The following SIL1 variants were observed in gnomAD, a reference collection of about 807,000 sequenced individuals.
The protein encoded by SIL1 is nucleotide exchange factor SIL1.
In SIL1, 40 loss-of-function variants were observed where a neutral mutation model predicts 49.1. The observed-to-expected ratio is 0.81, with a 90% CI of 0.63 to 1.06. SIL1 has a LOEUF of 1.06. SIL1 is among the 50% of genes least tolerant of loss of function. SIL1 has a pLI of 0.00. For missense variants in SIL1, 500 were observed against 572.6 expected (o/e 0.87, Z 1.29); for synonymous variants, 253 against 250.8 (o/e 1.01, Z -0.08).
At chr5:139,110,825 A>G (rs942501194) in intron 3 of SIL1, among the ~76,000 whole-genome samples, 2 of 152,238 alleles carry the variant, frequency 1.3e-5, no homozygotes, top group Non-Finnish European at 1.5e-5. Context: ...AGGAGCTTCC[A>G]AAAAGCTCTC....
rs543083009 is a variant in SIL1 at position 138,947,409 on chromosome 5, C to T, written c.1094G>A (p.Arg365His). Residue 365 changes from arginine (R) to histidine (H), a missense_variant, in exon 10 of 10, where the codon CGC becomes CAC. Physicochemically the swap from Arg to His is conservative, Grantham distance 29 (BLOSUM62 0). Transcript: ENST00000394817. This position sits in a 1 kb window ranked among gnomAD's most constrained non-coding sequence, Gnocchi z 4.1. ...EMSPEKLQQY[R>H]QVHLLPGLWE... ...CAGGCCTGGCAGGAGGTGTACCTGG[C>T]GATACTGCTGCAGCTTCTCTGGGGA... The T allele has an allele frequency of 3.0e-5, 48 of 1,613,582 alleles. No homozygotes were observed. Among genetic ancestry groups the T allele is most frequent in the East Asian group, 4.5e-5 (2 of 44,882 alleles).
intron 2 of SIL1, among the ~76,000 whole-genome samples, chr5:139,121,775 TGAGG>T (rs1172080331): frequency 2.0e-5 from 3 of 152,152 alleles, no homozygotes; most frequent in African/African-American, 7.2e-5. Context: ...CCAGCTGGGC[TGAGG>T]GAGGAAGATG....
At chr5:139,052,018 G>C (rs1370453004) in intron 3 of SIL1, among the ~76,000 whole-genome samples, 1 of 152,200 alleles carries the variant, frequency 6.6e-6, no homozygotes. Context: ...TCTCCTGCCA[G>C]AGGACAGCAT....
chr5:139,063,116 C>T (rs148906993), intron 3 of SIL1, among the ~76,000 whole-genome samples: 5 of 152,274 alleles, frequency 3.3e-5, no homozygotes, highest in Non-Finnish European at 2.9e-5. Flanking sequence ...TTATCATTGT[C>T]CTAATCAGAC....
chr5:139,083,361 T>A (rs1770136011), intron 3 of SIL1, among the ~76,000 whole-genome samples: 1 of 151,710 alleles, frequency 6.6e-6, no homozygotes, highest in South Asian at 2.1e-4. Context: ...GACTTTTTAA[T>A]GATTGCCATT....
At position 139,127,681 on chromosome 5, in the gene SIL1, G is replaced by A. The variant is rs1446446149; in HGVS notation, c.105+58C>T. On this transcript the variant is annotated intron_variant, in intron 2 of 9. Coordinates refer to ENST00000394817, the MANE Select transcript of SIL1 (RefSeq NM_022464.5). ...TACTCCCACAACAGCCCTGGTGACAGGGAGGCCTTCTCAAGACCTCATCAA... is the reference window on the plus strand; with the variant it reads ...TACTCCCACAACAGCCCTGGTGACAAGGAGGCCTTCTCAAGACCTCATCAA... The A allele has an allele frequency of 5.1e-6, 7 of 1,372,578 alleles. No homozygotes were observed. In the African/African-American group the frequency reaches 8.6e-5, roughly 17 times the overall value. The allele number at this position is 1,372,578 out of a possible 1,614,324, so 85.0% of individuals were successfully genotyped here. A position where few individuals can be genotyped will look rare whatever the true frequency, so the allele number is the denominator to read the frequency against.
At chr5:139,119,509 C>G (rs562535381) in intron 3 of SIL1, among the ~76,000 whole-genome samples, 124 of 152,282 alleles carry the variant, frequency 8.1e-4, no homozygotes, top group Non-Finnish European at 9.6e-4. Flanking sequence ...GTCTGTAATC[C>G]TAGGACTTTG....
intron 1 of SIL1, among the ~76,000 whole-genome samples, chr5:139,160,491 A>G (rs539111303): frequency 6.6e-6 from 1 of 152,320 alleles, no homozygotes; most frequent in African/African-American, 2.4e-5. Context: ...TCTGGTAACT[A>G]CTAGAACCTT....
intron 3 of SIL1, among the ~76,000 whole-genome samples, chr5:139,084,334 C>T (rs1479875180): frequency 3.2e-4 from 43 of 135,884 alleles, no homozygotes; most frequent in African/African-American, 1.0e-3. Context: ...CACATGCACA[C>T]GTATGTTTAT....
chr5:138,959,933 G>A (rs1766982779), intron 7 of SIL1, among the ~76,000 whole-genome samples: 2 of 152,218 alleles, frequency 1.3e-5, no homozygotes, highest in South Asian at 2.1e-4. Flanking sequence ...ATGAGCCAGG[G>A]GGTCCCCAAC....
chr5:138,966,381 G>A (rs1040203790), intron 7 of SIL1, among the ~76,000 whole-genome samples: 1 of 152,134 alleles, frequency 6.6e-6, no homozygotes, highest in Admixed American at 6.5e-5. Context: ...CTCTCCTGGT[G>A]CCCCTTCCTC....
intron 7 of SIL1, among the ~76,000 whole-genome samples, chr5:138,968,435 TCA>T (rs757306241): frequency 6.6e-6 from 1 of 152,128 alleles, no homozygotes; most frequent in Non-Finnish European, 1.5e-5. Flanking sequence ...CAGAGGAATC[TCA>T]GTGTGCTGTG....
intron 3 of SIL1, among the ~76,000 whole-genome samples, chr5:139,112,622 C>T (rs1482814448): frequency 4.7e-5 from 7 of 148,894 alleles, no homozygotes; most frequent in East Asian, 2.0e-4. Flanking sequence ...CCAACCCCTC[C>T]GGGAGGGAGG....
chr5:138,962,599 T>C (rs1032289434), intron 7 of SIL1, among the ~76,000 whole-genome samples: 2 of 152,276 alleles, frequency 1.3e-5, no homozygotes, highest in Non-Finnish European at 2.9e-5. Flanking sequence ...AGCTGTTTTA[T>C]CATAATATAC....
intron 3 of SIL1, among the ~76,000 whole-genome samples, chr5:139,078,397 T>A (rs1400700021): frequency 6.6e-6 from 1 of 152,146 alleles, no homozygotes; most frequent in Non-Finnish European, 1.5e-5. Flanking sequence ...AGGGGAGGCC[T>A]TAATTTCTGG....
At chr5:138,952,602 C>T (rs1002129421) in intron 7 of SIL1, among the ~76,000 whole-genome samples, 2 of 152,326 alleles carry the variant, frequency 1.3e-5, no homozygotes, top group East Asian at 1.9e-4. Flanking sequence ...AATGAATGAA[C>T]GACTGAACGA....
At chr5:139,066,856 C>T (rs963876680) in intron 3 of SIL1, among the ~76,000 whole-genome samples, 3 of 152,172 alleles carry the variant, frequency 2.0e-5, no homozygotes, top group African/African-American at 7.2e-5. Flanking sequence ...CAAGCATGCA[C>T]ACCACACCCA....
At chr5:139,175,266 G>A (rs1389177211) in intron 1 of SIL1, among the ~76,000 whole-genome samples, 1 of 151,830 alleles carries the variant, frequency 6.6e-6, no homozygotes, top group South Asian at 2.1e-4. Flanking sequence ...AGGTTGCAGT[G>A]AGCAAGATCG....
intron 1 of SIL1, among the ~76,000 whole-genome samples, chr5:139,146,678 ACTG>A (rs1163139662): frequency 2.0e-5 from 3 of 152,218 alleles, no homozygotes; most frequent in African/African-American, 7.2e-5. Context: ...CTTTGCCTAA[ACTG>A]CTAAGAGGTT....
Sources: gnomAD v4.1 joint callset for allele counts (sites outside exome capture counted in the v4.1 genomes callset) on GRCh38, gnomAD v4.1.1 for gene constraint, Gnocchi (gnomAD v3.1) non-coding constraint, MANE v1.5 for transcripts, NCBI Gene and HGNC (gene_info 2026-07-23, HGNC 2026-07-21) for gene names.